Variants in KCNMA1 observed in about 807,000 individuals in gnomAD.
KCNMA1 encodes potassium calcium-activated channel subfamily M alpha 1.
Under a neutral mutation model 140.0 loss-of-function variants are expected in KCNMA1, and 29 were observed. The ratio of observed to expected loss-of-function variants is 0.21; its 90% CI spans 0.15 to 0.28. The LOEUF (loss-of-function observed/expected upper bound fraction) is 0.28. Among genes scored for constraint, KCNMA1 ranks in the 10% least tolerant of loss-of-function variants. KCNMA1 has a pLI of 1.00. For synonymous variants in KCNMA1, 612 were observed against 611.9 expected (o/e 1.00, Z 0.00); for missense variants, 880 against 1,602.2 (o/e 0.55, Z 7.70).
At chr10:77,425,462 T>C (rs1453822507) in intron 1 of KCNMA1, among the ~76,000 whole-genome samples, 3 of 152,110 alleles carry the variant, frequency 2.0e-5, no homozygotes, top group African/African-American at 7.2e-5. Flanking sequence ...GGGTGAGATC[T>C]GGACATGTAG....
chr10:77,532,583 C>T (rs1011066306), intron 1 of KCNMA1, among the ~76,000 whole-genome samples: 2 of 152,220 alleles, frequency 1.3e-5, no homozygotes, highest in Non-Finnish European at 2.9e-5. Context: ...CCAAACCCCA[C>T]TCAAAAGAGA....
intron 20 of KCNMA1, among the ~76,000 whole-genome samples, chr10:76,957,072 G>A (rs1290722868): frequency 7.0e-6 from 1 of 142,288 alleles, no homozygotes; most frequent in Non-Finnish European, 1.5e-5. Context: ...AGCTTGCAGT[G>A]AGCCGAGATC....
chr10:77,175,135 C>T (rs1310525161), intron 5 of KCNMA1, among the ~76,000 whole-genome samples: 1 of 152,054 alleles, frequency 6.6e-6, no homozygotes, highest in African/African-American at 2.4e-5. Flanking sequence ...GCTCTAAGAA[C>T]CCTCATGTGT....
In KCNMA1 at chr10:77,111,657, T is replaced by C. The variant is rs530087657; in HGVS notation, c.960+710A>G. ...GTGATAATTACCTAAATCCCAAGTG[T>C]GGGTAGCTAAGCGCGTCCTTCTATC... On this transcript the variant is annotated intron_variant, in intron 7 of 27. Transcript: ENST00000286628. Among the ~76,000 whole-genome samples the C allele has an allele frequency of 2.6e-5, 4 of 152,234 alleles. No homozygotes were observed. The South Asian group carries it at 8.3e-4, about 32-fold the overall frequency.
intron 20 of KCNMA1, among the ~76,000 whole-genome samples, chr10:76,963,094 A>G (rs1276699896): frequency 6.6e-6 from 1 of 152,152 alleles, no homozygotes; most frequent in Non-Finnish European, 1.5e-5. Flanking sequence ...GCTGTAACTA[A>G]TCAGCAGGGA....
chr10:77,611,297 G>T (rs1399716321), intron 1 of KCNMA1, among the ~76,000 whole-genome samples: 1 of 152,212 alleles, frequency 6.6e-6, no homozygotes, highest in African/African-American at 2.4e-5. Flanking sequence ...TCCTGACAAG[G>T]TTGAGCAGAT....
At chr10:77,315,562 C>T (rs1346160292) in intron 2 of KCNMA1, 1 of 152,170 alleles carries the variant, frequency 6.6e-6, no homozygotes. Flanking sequence ...GGAGAACCAA[C>T]CTAATCAAAT....
At chr10:77,634,376 A>T (rs2093524560) in intron 1 of KCNMA1, 1 of 985,354 alleles carries the variant, frequency 1.0e-6, no homozygotes, top group Non-Finnish European at 1.2e-6. Context: ...TTTTCAAAAG[A>T]CTAAAGTCAT....
At chr10:77,420,563 C>T (rs1201664394) in intron 1 of KCNMA1, among the ~76,000 whole-genome samples, 1 of 152,208 alleles carries the variant, frequency 6.6e-6, no homozygotes, top group African/African-American at 2.4e-5. Flanking sequence ...GTGGCTACAT[C>T]CATCAGTCTC....
intron 2 of KCNMA1, among the ~76,000 whole-genome samples, chr10:77,361,430 C>T (rs2093938998): frequency 6.6e-6 from 1 of 152,218 alleles, no homozygotes; most frequent in Non-Finnish European, 1.5e-5. Context: ...TCCCAGGAGG[C>T]CTCTGTGCCA....
chr10:77,227,763 T>G (rs1372653086), intron 3 of KCNMA1, among the ~76,000 whole-genome samples: 2 of 147,300 alleles, frequency 1.4e-5, no homozygotes, highest in Non-Finnish European at 3.0e-5. Context: ...AAATGGCTAA[T>G]TTCTATTAGC....
chr10:77,483,034 A>G (rs2154532219), intron 1 of KCNMA1, among the ~76,000 whole-genome samples: 2 of 112,334 alleles, frequency 1.8e-5, no homozygotes, highest in South Asian at 6.1e-4. Context: ...ACACACACAC[A>G]CACACACCCC....
chr10:77,412,336 A>G (rs1326932748), intron 1 of KCNMA1, among the ~76,000 whole-genome samples: 1 of 152,066 alleles, frequency 6.6e-6, no homozygotes, highest in Non-Finnish European at 1.5e-5. Context: ...TACTCATTCC[A>G]TCTGCCAGGA....
intron 19 of KCNMA1, chr10:76,977,432 C>T (rs1430689783): frequency 3.1e-6 from 2 of 637,610 alleles, no homozygotes; most frequent in Admixed American, 2.4e-5. Context: ...ACCATAGCCA[C>T]AGTTGTTGGT....
chr10:77,043,099 G>C (rs1269034641), intron 14 of KCNMA1, among the ~76,000 whole-genome samples: 1 of 152,150 alleles, frequency 6.6e-6, no homozygotes, highest in Non-Finnish European at 1.5e-5. Context: ...CGTATAACTG[G>C]AAAAAAGTAC....
chr10:76,984,951 G>C (rs2080805083), intron 19 of KCNMA1, among the ~76,000 whole-genome samples: 1 of 152,212 alleles, frequency 6.6e-6, no homozygotes, highest in Admixed American at 6.5e-5. Context: ...TGAGGAGGAG[G>C]AGAGTACCTA....
chr10:77,587,997 A>G (rs2077772970), intron 1 of KCNMA1: 2 of 360,020 alleles, frequency 5.6e-6, no homozygotes, highest in South Asian at 1.1e-4. Context: ...GTCTTCCTCA[A>G]ACTTTGATCA....
intron 2 of KCNMA1, among the ~76,000 whole-genome samples, chr10:77,392,694 G>A (rs1036993150): frequency 3.9e-5 from 6 of 152,184 alleles, no homozygotes; most frequent in Non-Finnish European, 8.8e-5. Flanking sequence ...GAGCTGCCTC[G>A]CATGTGCAGT....
intron 9 of KCNMA1, among the ~76,000 whole-genome samples, chr10:77,097,466 T>C (rs2096962625): frequency 6.6e-6 from 1 of 152,088 alleles, no homozygotes; most frequent in African/African-American, 2.4e-5. Context: ...GATGGATTGG[T>C]TGACAAAGTA....
Sources: allele counts gnomAD v4.1 joint callset (sites outside exome capture counted in the v4.1 genomes callset), GRCh38; gene constraint gnomAD v4.1.1; transcripts MANE v1.5; gene names NCBI Gene and HGNC (gene_info 2026-07-23, HGNC 2026-07-21).